Variants in SVEP1 observed in about 807,000 individuals in gnomAD.
SVEP1 encodes sushi, von Willebrand factor type A, EGF and pentraxin domain-containing protein 1.
In SVEP1, 164 loss-of-function variants were observed where a neutral mutation model predicts 367.3. That is an observed-to-expected ratio of 0.45 (90% confidence interval 0.39 to 0.51). The LOEUF (loss-of-function observed/expected upper bound fraction) is 0.51, where lower values mean the gene tolerates loss of function less well. Among genes scored for constraint, SVEP1 ranks in the 20% least tolerant of loss-of-function variants. SVEP1 has a pLI of 0.00. For missense variants in SVEP1, 4,117 were observed against 4,425.3 expected (o/e 0.93, Z 1.98); for synonymous variants, 1,666 against 1,611.6 (o/e 1.03, Z -0.81).
chr9:110,392,143 ATATATATATATC>A (rs1239229096), intron 40 of SVEP1, among the ~76,000 whole-genome samples: 2 of 147,462 alleles, frequency 1.4e-5, no homozygotes, highest in African/African-American at 5.1e-5. Flanking sequence ...TTATATATAT[ATATATATATATC>A]TCTTCTCTCT....
chr9:110,464,573 A>T lies in SVEP1; in HGVS notation c.3322+1292T>A, dbSNP rs568025464. ...TGGTGATCTCTCTCTAACTGGATGA[A>T]GTTAAGCATGGCTGGGTGCAGTGAT... On this transcript the variant is annotated intron_variant, in intron 18 of 47. Coordinates refer to ENST00000374469, the MANE Select transcript of SVEP1 (RefSeq NM_153366.4). Among the ~76,000 whole-genome samples, 4 of 152,192 alleles carry T rather than the reference A, an allele frequency of 2.6e-5. No individual in the cohort carries two copies. The South Asian group carries it at 8.3e-4, about 32-fold the overall frequency.
At chr9:110,479,818 T>G in intron 12 of SVEP1, 62 bp from the exon 13 acceptor site, 7 of 1,560,208 alleles carry the variant, frequency 4.5e-6, no homozygotes, top group Non-Finnish European at 6.0e-6. Flanking sequence ...AGATTTGACT[T>G]TCTATGAAAT....
intron 6 of SVEP1, among the ~76,000 whole-genome samples, chr9:110,501,146 GTAATA>G (rs924616876): frequency 8.8e-5 from 13 of 146,940 alleles, no homozygotes; most frequent in African/African-American, 9.9e-5. Context: ...AAATTATGTA[GTAATA>G]TAATATATAC....
chr9:110,496,968 C>T (rs1451253584), intron 7 of SVEP1, 35 bp from the exon 8 acceptor site: 3 of 1,345,216 alleles, frequency 2.2e-6, no homozygotes, highest in South Asian at 2.6e-5. Flanking sequence ...GATTAATACA[C>T]TGATATGTGG....
chr9:110,491,181 T>C (rs1294885926), intron 8 of SVEP1, among the ~76,000 whole-genome samples: 1 of 151,902 alleles, frequency 6.6e-6, no homozygotes, highest in Non-Finnish European at 1.5e-5. Context: ...TTTTATTAAA[T>C]ATTTTGATTT....
At position 110,432,465 on chromosome 9, in the gene SVEP1, G is replaced by A; in HGVS notation, c.5230C>T (p.Leu1744Phe). The A allele has an allele frequency of 6.2e-6, 10 of 1,611,964 alleles. No homozygotes were observed. The highest frequency in any genetic ancestry group is 8.5e-6 in the Non-Finnish European group (10 of 1,179,106). Residue 1744 changes from leucine to phenylalanine, a missense_variant, in exon 31 of 48, where the codon CTT becomes TTT. Physicochemically the swap from Leu to Phe is conservative, Grantham distance 22. Around this residue, in one of 4 missense-constraint regions of SVEP1, gnomAD observed 2,174 missense variants for 2,494.3 expected, o/e 0.87. Coordinates refer to ENST00000374469, the MANE Select transcript of SVEP1 (RefSeq NM_153366.4). ...GSWNGVSPSCLDVDECAVGSD... is the reference protein window; with the variant it reads ...GSWNGVSPSCFDVDECAVGSD... ...TAGTTGCCAACATTTATCTCACCAA[G>A]GCAGGATGGTGAAACGCCGTTCCAG...
chr9:110,436,462 C>G lies in SVEP1; in HGVS notation c.4682G>C (p.Gly1561Ala). The G allele has an allele frequency of 6.2e-7, 1 of 1,613,910 alleles. No individual in the cohort carries two copies. The highest frequency in any genetic ancestry group is 8.5e-7 in the Non-Finnish European group (1 of 1,179,864). Reference protein sequence around the residue: ...LVLGQEQDKKGEGFSPAESFV... With the variant: ...LVLGQEQDKKAEGFSPAESFV... ...AGACTCAGCTGGGCTGAATCCCTCT[C>G]CTTTTTTGTCTTGCTCTTGCCCCAG... Residue 1561 changes from glycine (G) to alanine (A), a missense_variant, in exon 28 of 48, where the codon GGA becomes GCA. Gly to Ala is a moderately conservative substitution (Grantham distance 60, BLOSUM62 0). This residue lies in a region of SVEP1 where 2,174 missense variants were observed against 2,494.3 expected (regional missense o/e 0.87). Coordinates refer to ENST00000374469, the MANE Select transcript of SVEP1 (RefSeq NM_153366.4).
rs1335005590 is a variant in SVEP1, at chr9:110,411,507, T to G, written c.6204A>C (p.Val2068=). Residue 2068 remains valine, a synonymous_variant, in exon 37 of 48, where the codon GTA becomes GTC. Transcript: ENST00000374469. ...GGGGCATGTCTTGACCTTCTGGGGGTACCCACTTGCCCTGGGCATTGCAGA... is the reference window on the plus strand; with the variant it reads ...GGGGCATGTCTTGACCTTCTGGGGGGACCCACTTGCCCTGGGCATTGCAGA... ...QLLCNAQGKW[V]PPEGQDMPRC... 1 of 1,613,972 alleles carries G rather than the reference T, an allele frequency of 6.2e-7. No homozygotes were observed.
At chr9:110,538,243 T>C (rs1170931429) in intron 3 of SVEP1, among the ~76,000 whole-genome samples, 1 of 151,972 alleles carries the variant, frequency 6.6e-6, no homozygotes, top group Non-Finnish European at 1.5e-5. Flanking sequence ...AGTTACAAAT[T>C]CTCCAGCTTA....
intron 1 of SVEP1, among the ~76,000 whole-genome samples, chr9:110,562,630 T>C (rs1354995036): frequency 6.6e-6 from 1 of 152,222 alleles, no homozygotes; most frequent in African/African-American, 2.4e-5. Flanking sequence ...ACCAAAATCA[T>C]GCCTGAAGCA....
chr9:110,554,843 T>C (rs535266272), intron 1 of SVEP1, among the ~76,000 whole-genome samples: 1 of 152,212 alleles, frequency 6.6e-6, no homozygotes, highest in African/African-American at 2.4e-5. Flanking sequence ...GAAATATGCA[T>C]ACACAAATAC....
In SVEP1 at chr9:110,407,456, A is replaced by G. The variant is rs200316247; in HGVS notation, c.8144T>C (p.Ile2715Thr). Residue 2715 changes from isoleucine to threonine, a missense_variant, in exon 38 of 48, where the codon ATT becomes ACT. Coordinates refer to ENST00000374469, the MANE Select transcript of SVEP1 (RefSeq NM_153366.4). ...WNGSAPSCISIECDLPTAPEN... is the reference protein window; with the variant it reads ...WNGSAPSCISTECDLPTAPEN... ...AGGAGCAGTAGGCAAGTCACATTCAATTGAAATGCAGGATGGTGCACTGCC... is the reference window on the plus strand; with the variant it reads ...AGGAGCAGTAGGCAAGTCACATTCAGTTGAAATGCAGGATGGTGCACTGCC... The G allele has an allele frequency of 9.5e-5, 153 of 1,614,028 alleles. 1 individual carries two copies. In the South Asian group the frequency reaches 1.6e-3, roughly 16 times the overall value.
At chr9:110,411,789 T>G in intron 36 of SVEP1, 54 bp from the exon 37 acceptor site, 1 of 1,407,238 alleles carries the variant, frequency 7.1e-7, no homozygotes, top group Non-Finnish European at 9.4e-7. Context: ...TGAGAAAAAG[T>G]GTTTGTGTCT....
chr9:110,551,609 G>A (rs1041773684), intron 1 of SVEP1, among the ~76,000 whole-genome samples: 5 of 152,110 alleles, frequency 3.3e-5, no homozygotes, highest in South Asian at 2.1e-4. Context: ...CATTCGGGAC[G>A]TTACTGGAGA....
At chr9:110,443,414 T>G (rs1828543246) in intron 27 of SVEP1, 131 bp downstream of exon 27, 1 of 836,750 alleles carries the variant, frequency 1.2e-6, no homozygotes, top group South Asian at 3.6e-5. Flanking sequence ...AATCAGGGAG[T>G]AGGAAATAAG....
chr9:110,443,577 C>T lies in SVEP1; in HGVS notation c.4607G>A (p.Gly1536Asp). The T allele has an allele frequency of 6.2e-7, 1 of 1,611,620 alleles. No homozygotes were observed. The highest frequency in any genetic ancestry group is 8.5e-7 in the Non-Finnish European group (1 of 1,178,868). ...GGGCAAACCAACAGAGAGGCCAGCA[C>T]CACCGTCAGATAATTTCCCATCGAT... ...VYIDGKLSDG[G>D]AGLSVGLPIP... The change falls in exon 27 of 48, where the codon GGT becomes GAT. Residue 1536 changes from glycine (G) to aspartate (D), a missense_variant. Coordinates refer to ENST00000374469, the MANE Select transcript of SVEP1 (RefSeq NM_153366.4).
intron 6 of SVEP1, among the ~76,000 whole-genome samples, chr9:110,502,741 T>TA (rs35269855): frequency 8.6e-5 from 13 of 151,812 alleles, no homozygotes; most frequent in Non-Finnish European, 1.2e-4. Context: ...ATTTGCATTT[T>TA]AAAAAAAAAT....
In SVEP1 at chr9:110,493,952, C is replaced by T. The variant is rs77308074; in HGVS notation, c.1800+2863G>A. The stretch of plus-strand genomic sequence containing the variant: ...GGTCCTCCTCCTCTAGCTTCAAAGC[C>T]ACTGATGGCAGATTGAGTCCTTCTC... On this transcript the variant is annotated intron_variant, in intron 8 of 47. Coordinates refer to ENST00000374469, the MANE Select transcript of SVEP1 (RefSeq NM_153366.4). Among the ~76,000 whole-genome samples the T allele has an allele frequency of 4.9e-3, 750 of 152,222 alleles. 8 individuals carry two copies. The highest frequency in any genetic ancestry group is 0.017 in the African/African-American group (707 of 41,536).
chr9:110,371,286 C>A (rs1827272076), intron 46 of SVEP1, among the ~76,000 whole-genome samples: 1 of 152,190 alleles, frequency 6.6e-6, no homozygotes, highest in African/African-American at 2.4e-5. Context: ...CAGGACTATG[C>A]TGAATTAGCA....
Sources: gnomAD v4.1 joint callset for allele counts (sites outside exome capture counted in the v4.1 genomes callset) on GRCh38, gnomAD v4.1.1 for gene constraint, gnomAD v4.1.1 regional missense constraint, MANE v1.5 for transcripts, NCBI Gene and HGNC (gene_info 2026-07-23, HGNC 2026-07-21) for gene names.